The following THUMPD3 variants were observed in gnomAD, a reference collection of about 807,000 sequenced individuals.
The protein encoded by THUMPD3 is THUMP domain 3 tRNA guanosine methyltransferase.
Under a neutral mutation model 54.5 loss-of-function variants are expected in THUMPD3, and 44 were observed. The ratio of observed to expected loss-of-function variants is 0.81; its 90% confidence interval spans 0.63 to 1.04. The LOEUF (loss-of-function observed/expected upper bound fraction) is 1.04, where lower values mean the gene tolerates loss of function less well. Ranked by LOEUF, THUMPD3 falls within the 50% of genes least tolerant of loss-of-function variation. The pLI, the probability that THUMPD3 is intolerant of heterozygous loss-of-function variation, is 0.00. For synonymous variants in THUMPD3, 196 were observed against 201.4 expected (o/e 0.97, Z 0.23); for missense variants, 604 against 601.3 (o/e 1.00, Z -0.05).
rs995280967 is a variant in THUMPD3, at chr3:9,386,650, G to A, written c.*1962G>A. The A allele has an allele frequency of 5.9e-5, 9 of 152,170 alleles. No homozygotes were observed. In the Middle Eastern group the frequency reaches 0.014, roughly 230 times the overall value. 9.4% of individuals were successfully genotyped at this position (152,170 alleles called of 1,614,324 possible). A position where few individuals can be genotyped will look rare whatever the true frequency, so the allele number is the denominator to read the frequency against. Reference sequence around the variant, plus strand: ...AGAATAGGCAGTGGGCTATAAGCAGGATTCATAAGGCCTGGAGCTGAGTTA... The same window carrying A: ...AGAATAGGCAGTGGGCTATAAGCAGAATTCATAAGGCCTGGAGCTGAGTTA... On this transcript the variant is annotated 3_prime_UTR_variant, in exon 10 of 10. Transcript: ENST00000452837.
chr3:9,386,001 A>T lies in THUMPD3; in HGVS notation c.*1313A>T, dbSNP rs930170805. The T allele has an allele frequency of 3.3e-5, 5 of 152,182 alleles. No homozygotes were observed. The highest frequency in any genetic ancestry group is 4.8e-5 in the African/African-American group (2 of 41,438). The allele number at this position is 152,182 out of a possible 1,614,324, so 9.4% of individuals were successfully genotyped here. A position where few individuals can be genotyped will look rare whatever the true frequency, so the allele number is the denominator to read the frequency against. On this transcript the variant is annotated 3_prime_UTR_variant, in exon 10 of 10. Transcript: ENST00000452837. ...TATTTTGGAGCCTCTGGCTGCAATC[A>T]GTATAGATTTTCAGTATCCTATTAG...
At chr3:9,367,336 A>G (rs776024666) in intron 3 of THUMPD3, among the ~76,000 whole-genome samples, 1 of 152,230 alleles carries the variant, frequency 6.6e-6, no homozygotes, top group Non-Finnish European at 1.5e-5. Context: ...GTCTTCTACA[A>G]ATAACACTTC....
chr3:9,368,360 A>ATTTTTTT (rs764732133), intron 3 of THUMPD3, among the ~76,000 whole-genome samples: 7 of 116,946 alleles, frequency 6.0e-5, no homozygotes, highest in South Asian at 5.7e-4. Flanking sequence ...ACCCGCGCAT[A>ATTTTTTT]TTTTTTTTTT....
At chr3:9,382,731 T>C (rs1465139058) in intron 7 of THUMPD3, among the ~76,000 whole-genome samples, 1 of 152,208 alleles carries the variant, frequency 6.6e-6, no homozygotes, top group African/African-American at 2.4e-5. Context: ...TTCAGTTTGT[T>C]TCCCTTTTTT....
rs144985337 is a variant in THUMPD3, at chr3:9,374,516, G to A, written c.808G>A (p.Val270Ile). The A allele has an allele frequency of 2.0e-5, 33 of 1,613,064 alleles. No homozygotes were observed. The African/African-American group carries it at 4.1e-4, about 20-fold the overall frequency. Residue 270 changes from valine (V) to isoleucine (I), a missense_variant and splice_region_variant, in exon 5 of 10, where the codon GTT becomes ATT. By Grantham distance (29) the Val-to-Ile change is conservative. Transcript: ENST00000452837. ...KADMTNFDVE[V>I]LLNIHDNEVI... ...TTTGTCTTGTTCCACTTTGCTATAGGTTCTTTTGAACATCCATGATAATGA... is the reference window on the plus strand; with the variant it reads ...TTTGTCTTGTTCCACTTTGCTATAGATTCTTTTGAACATCCATGATAATGA...
chr3:9,381,622 T>A (rs1445376076), intron 7 of THUMPD3, among the ~76,000 whole-genome samples: 1 of 150,006 alleles, frequency 6.7e-6, no homozygotes, highest in African/African-American at 2.5e-5. Context: ...TATTGAGGGT[T>A]TTTTTTAATG....
chr3:9,365,541 G>T lies in THUMPD3; in HGVS notation c.252+221G>T, dbSNP rs1035916291. Among the ~76,000 whole-genome samples, 9 of 150,700 alleles carry T rather than the reference G, an allele frequency of 6.0e-5. No homozygotes were observed. The South Asian group carries it at 1.7e-3, about 28-fold the overall frequency. On this transcript the variant is annotated intron_variant, in intron 2 of 9. Transcript: ENST00000452837. ...AAGTGTTTCAGATTTTTGGAGGGGG[G>T]TGGGGGGAGTTTTGGAATATTTGCA...
chr3:9,375,699 C>T (rs1266911203), intron 5 of THUMPD3, among the ~76,000 whole-genome samples: 4 of 152,198 alleles, frequency 2.6e-5, no homozygotes, highest in African/African-American at 4.8e-5. Context: ...CATCATTGTG[C>T]GAACCTCATG....
chr3:9,378,993 C>T (rs757433214), intron 6 of THUMPD3, among the ~76,000 whole-genome samples: 1 of 152,168 alleles, frequency 6.6e-6, no homozygotes, highest in Non-Finnish European at 1.5e-5. Flanking sequence ...AAGTTTGAGC[C>T]ATTTCCATGT....
intron 4 of THUMPD3, among the ~76,000 whole-genome samples, chr3:9,374,192 A>G (rs1269243768): frequency 1.3e-5 from 2 of 152,146 alleles, no homozygotes; most frequent in Non-Finnish European, 2.9e-5. Context: ...TTTAATATCT[A>G]TTATTTTCTT....
intron 3 of THUMPD3, among the ~76,000 whole-genome samples, chr3:9,369,752 T>G (rs887530633): frequency 6.6e-6 from 1 of 152,244 alleles, no homozygotes; most frequent in Non-Finnish European, 1.5e-5. Flanking sequence ...TAAATTCTTG[T>G]ACATATTCAA....
chr3:9,366,230 A>G (rs1270845138), intron 2 of THUMPD3, among the ~76,000 whole-genome samples: 1 of 152,182 alleles, frequency 6.6e-6, no homozygotes, highest in East Asian at 1.9e-4. Flanking sequence ...TCAAGGTAAA[A>G]AGTGAAGGTC....
intron 8 of THUMPD3, among the ~76,000 whole-genome samples, chr3:9,383,813 G>A (rs1489578492): frequency 1.3e-5 from 2 of 152,058 alleles, no homozygotes; most frequent in African/African-American, 4.8e-5. Context: ...TAAAAGACAG[G>A]GTTTCACCAT....
intron 5 of THUMPD3, among the ~76,000 whole-genome samples, chr3:9,376,961 T>C (rs561943100): frequency 1.3e-5 from 2 of 152,316 alleles, no homozygotes; most frequent in South Asian, 4.1e-4. Flanking sequence ...CTTAAGTCCA[T>C]GCCCAGGAAA....
intron 6 of THUMPD3, 147 bp from the exon 7 acceptor site, chr3:9,380,356 G>C (rs564825156): frequency 1.9e-5 from 11 of 591,984 alleles, no homozygotes; most frequent in Admixed American, 1.6e-4. Context: ...AGAATAAGAG[G>C]GCATTTTCAG....
intron 8 of THUMPD3, 102 bp from the exon 9 acceptor site, chr3:9,384,110 T>C (rs2033143147): frequency 1.6e-6 from 2 of 1,284,182 alleles, no homozygotes; most frequent in Non-Finnish European, 2.2e-6. Context: ...AAACTACAGC[T>C]ATTTTTCATG....
chr3:9,384,582 G>C lies in THUMPD3; in HGVS notation c.1418G>C (p.Gly473Ala). ...GTGGATACAGTCTGGGTGAACGTTG[G>C]TGGTCTTCGTGCTGCAGTTTACGTT... ...RKVDTVWVNV[G>A]GLRAAVYVLI... Residue 473 changes from glycine (G) to alanine (A), a missense_variant, in exon 10 of 10, where the codon GGT becomes GCT. By Grantham distance (60) the Gly-to-Ala change is moderately conservative. Transcript: ENST00000452837. 1 of 1,614,190 alleles carries C rather than the reference G, an allele frequency of 6.2e-7. No homozygotes were observed. Among genetic ancestry groups the C allele is most frequent in the Non-Finnish European group, 8.5e-7 (1 of 1,180,034 alleles).
Position 9,369,344 on chromosome 3 carries a change from C to T in THUMPD3, c.331-1716C>T, listed in dbSNP as rs576323323. 6.9e-4 allele frequency among the ~76,000 whole-genome samples: 95 copies of T among 137,294 alleles called. 1 individual carries two copies. Among genetic ancestry groups the T allele is most frequent in the African/African-American group, 2.5e-3 (92 of 37,336 alleles). 90.1% of individuals were successfully genotyped at this position (137,294 alleles called of 152,430 possible). ...AAAAAAAAAAAAAAAGAAAGAAATA[C>T]TCTGAGGGTGGAACCTATGTATAAA... On this transcript the variant is annotated intron_variant, in intron 3 of 9. Coordinates refer to ENST00000452837, the MANE Select transcript of THUMPD3 (RefSeq NM_001114092.2).
At position 9,366,891 on chromosome 3, in the gene THUMPD3, C is replaced by T; in HGVS notation, c.253-17C>T. 3 of 1,574,368 alleles carry T rather than the reference C, an allele frequency of 1.9e-6. No individual in the cohort carries two copies. Among genetic ancestry groups the T allele is most frequent in the Non-Finnish European group, 2.6e-6 (3 of 1,156,414 alleles). The stretch of plus-strand genomic sequence containing the variant: ...CAAAAGCTTTCTCAGAAATGTGTTT[C>T]TTTTTTTTTCACCCAGGTTCATTGT... On this transcript the variant is annotated splice_polypyrimidine_tract_variant and intron_variant, in intron 2 of 9. Coordinates refer to ENST00000452837, the MANE Select transcript of THUMPD3 (RefSeq NM_001114092.2).
Sources: allele counts gnomAD v4.1 joint callset (sites outside exome capture counted in the v4.1 genomes callset), GRCh38; gene constraint gnomAD v4.1.1; transcripts MANE v1.5; gene names NCBI Gene and HGNC (gene_info 2026-07-23, HGNC 2026-07-21).